Variants in LRRIQ4 observed in about 807,000 individuals in gnomAD.
The protein encoded by LRRIQ4 is leucine rich repeats and IQ motif containing 4.
A neutral mutation model predicts 40.1 loss-of-function variants in LRRIQ4; 21 were observed. The ratio of observed to expected loss-of-function variants is 0.52; its 90% CI spans 0.37 to 0.75. The LOEUF (loss-of-function observed/expected upper bound fraction) is 0.75. Ranked by LOEUF, LRRIQ4 falls within the 30% of genes least tolerant of loss-of-function variation. The pLI is 0.00. For missense variants in LRRIQ4, 655 were observed against 660.0 expected, an observed-to-expected ratio of 0.99 and a Z score of 0.08; for synonymous variants, 277 against 277.1, an observed-to-expected ratio of 1.00 and a Z score of 0.00.
rs189229233 is a variant in LRRIQ4, at chr3:169,832,500, C to T, written c.1334-487C>T. ...AAAAAAAAATAGCCAAGTGTGGTGGCGTGCACCTGAAATCCCAGCTACTTG... is the reference window on the plus strand; with the variant it reads ...AAAAAAAAATAGCCAAGTGTGGTGGTGTGCACCTGAAATCCCAGCTACTTG... On this transcript the variant is annotated intron_variant, in intron 4 of 5. Transcript: ENST00000340806. Among the ~76,000 whole-genome samples the T allele has an allele frequency of 1.7e-3, 249 of 150,516 alleles. 1 individual carries two copies. The highest frequency in any genetic ancestry group is 5.8e-3 in the African/African-American group (236 of 40,946).
rs1779706661 is a variant in LRRIQ4, at chr3:169,814,173, TA to T, written c.-32+1128del. ...GGCTTGGAGAATGAGTGCAAGGTTTTATTGATTGGTGGAAGTGGCTCTCAAC... is the reference window on the plus strand; with the variant it reads ...GGCTTGGAGAATGAGTGCAAGGTTTTTTGATTGGTGGAAGTGGCTCTCAAC... On this transcript the variant is annotated intron_variant, in intron 1 of 5. Transcript: ENST00000340806. 5.3e-5 allele frequency among the ~76,000 whole-genome samples: 8 copies of T among 152,208 alleles called. No individual in the cohort carries two copies. In the South Asian group the frequency reaches 1.0e-3, roughly 20 times the overall value.
Position 169,837,151 on chromosome 3 carries a change from C to T in LRRIQ4, c.1531-328C>T, listed in dbSNP as rs553479522. On this transcript the variant is annotated intron_variant, in intron 5 of 5. Coordinates refer to ENST00000340806, the MANE Select transcript of LRRIQ4 (RefSeq NM_001080460.3). ...GGTCACTCTCCATAGCACTCATCAC[C>T]GTCTGACAAATTGAACATTCATGTG... 3.5e-4 allele frequency among the ~76,000 whole-genome samples: 54 copies of T among 152,298 alleles called. No homozygotes were observed. In the South Asian group the frequency reaches 9.1e-3, roughly 26 times the overall value.
intron 2 of LRRIQ4, among the ~76,000 whole-genome samples, chr3:169,826,435 T>C (rs1263608899): frequency 1.3e-5 from 2 of 151,458 alleles, no homozygotes; most frequent in Admixed American, 6.6e-5. Flanking sequence ...ACCAAAACAA[T>C]GTACCAGATC....
intron 3 of LRRIQ4, among the ~76,000 whole-genome samples, chr3:169,829,721 G>A (rs1039460360): frequency 1.3e-5 from 2 of 152,166 alleles, no homozygotes; most frequent in East Asian, 1.9e-4. Context: ...GGCTGGTCTC[G>A]AACTCCTGAC....
intron 1 of LRRIQ4, among the ~76,000 whole-genome samples, chr3:169,818,434 A>C (rs1779808589): frequency 6.6e-6 from 1 of 152,138 alleles, no homozygotes; most frequent in African/African-American, 2.4e-5. Context: ...AGAGGGTTCT[A>C]TTCAGCCATC....
Position 169,837,687 on chromosome 3 carries a change from A to G in LRRIQ4, c.*56A>G. On this transcript the variant is annotated 3_prime_UTR_variant, in exon 6 of 6. Transcript: ENST00000340806. ...CCTTGATAGATTAAGAAGACAAAAT[A>G]TCTAGGAATTAGATGCCTACTACAT... 1 of 1,371,208 alleles carries G rather than the reference A, an allele frequency of 7.3e-7. No homozygotes were observed. Among genetic ancestry groups the G allele is most frequent in the Non-Finnish European group, 9.8e-7 (1 of 1,019,804 alleles). The allele number at this position is 1,371,208 out of a possible 1,614,324, so 84.9% of individuals were successfully genotyped here.
At chr3:169,824,451 G>A (rs1002606743) in intron 2 of LRRIQ4, among the ~76,000 whole-genome samples, 1 of 151,212 alleles carries the variant, frequency 6.6e-6, no homozygotes, top group Non-Finnish European at 1.5e-5. Context: ...GGCACGCGTG[G>A]GTTTATGTTT....
intron 3 of LRRIQ4, among the ~76,000 whole-genome samples, chr3:169,830,265 T>A (rs1780131484): frequency 6.6e-6 from 1 of 150,616 alleles, no homozygotes; most frequent in Non-Finnish European, 1.5e-5. Flanking sequence ...TTTCCCTGCA[T>A]AAATGGAAAC....
intron 1 of LRRIQ4, among the ~76,000 whole-genome samples, chr3:169,820,681 T>C (rs1246617452): frequency 6.6e-6 from 1 of 152,168 alleles, no homozygotes; most frequent in Non-Finnish European, 1.5e-5. Flanking sequence ...GGACATGATT[T>C]GTCCCTCCAT....
chr3:169,836,491 G>C (rs1175840055), intron 5 of LRRIQ4, among the ~76,000 whole-genome samples: 1 of 152,142 alleles, frequency 6.6e-6, no homozygotes, highest in Non-Finnish European at 1.5e-5. Context: ...GAAAGAGAGA[G>C]AGAGAGAGAG....
At chr3:169,828,324 CCACA>C (rs1780087233) in intron 2 of LRRIQ4, among the ~76,000 whole-genome samples, 2 of 152,098 alleles carry the variant, frequency 1.3e-5, no homozygotes, top group Admixed American at 1.3e-4. Context: ...CCTCTGCCTC[CCACA>C]TTCCAGAGAT....
At chr3:169,817,847 G>T (rs1779799058) in intron 1 of LRRIQ4, among the ~76,000 whole-genome samples, 1 of 151,856 alleles carries the variant, frequency 6.6e-6, no homozygotes, top group South Asian at 2.1e-4. Context: ...ATTTCTTGTG[G>T]GCCACAGATC....
In LRRIQ4 at chr3:169,822,300, C is replaced by G. The variant is rs550212701; in HGVS notation, c.379C>G (p.Gln127Glu). 6.2e-7 allele frequency: 1 copy of G among 1,613,904 alleles called. No homozygotes were observed. The highest frequency in any genetic ancestry group is 1.1e-5 in the South Asian group (1 of 91,040). Reference protein sequence around the residue: ...LHALRELRLYQTDLKEIPVVI... With the variant: ...LHALRELRLYETDLKEIPVVI... ...CGCCCTGCGCGAGCTCCGGCTCTAC[C>G]AGACCGACCTGAAGGAAATTCCCGT... The change falls in exon 2 of 6, where the codon CAG (glutamine) becomes GAG (glutamate). Residue 127 changes from glutamine (Q) to glutamate (E), a missense_variant. Coordinates refer to ENST00000340806, the MANE Select transcript of LRRIQ4 (RefSeq NM_001080460.3).
chr3:169,821,771 TC>T, intron 1 of LRRIQ4, 119 bp from the exon 2 acceptor site: 1 of 504,460 alleles, frequency 2.0e-6, no homozygotes, highest in Non-Finnish European at 3.3e-6. Flanking sequence ...AATTTTATGT[TC>T]TGTCATAATT....
Position 169,822,717 on chromosome 3 carries a change from G to C in LRRIQ4, c.796G>C (p.Gly266Arg), listed in dbSNP as rs1779938877. ...GAAGATGACGGAAATCGGGCTGAGC[G>C]GGAACCGCCTGGAGAAGGTGCCACG... is the stretch of plus-strand genomic sequence containing the variant. ...LRKMTEIGLS[G>R]NRLEKVPRLI... Residue 266 changes from glycine to arginine, a missense_variant, in exon 2 of 6, where the codon GGG becomes CGG. Gly to Arg is a moderately radical substitution (Grantham distance 125, BLOSUM62 -2). Transcript: ENST00000340806. 2 of 1,613,924 alleles carry C rather than the reference G, an allele frequency of 1.2e-6. No homozygotes were observed. Among genetic ancestry groups the C allele is most frequent in the Admixed American group, 1.7e-5 (1 of 60,020 alleles).
intron 4 of LRRIQ4, among the ~76,000 whole-genome samples, chr3:169,830,900 T>A (rs761394926): frequency 1.3e-5 from 2 of 152,170 alleles, no homozygotes; most frequent in Non-Finnish European, 2.9e-5. Context: ...ACCCATACAT[T>A]TATTACACTA....
intron 5 of LRRIQ4, among the ~76,000 whole-genome samples, chr3:169,834,173 C>A (rs1455865567): frequency 6.6e-6 from 1 of 152,080 alleles, no homozygotes; most frequent in African/African-American, 2.4e-5. Flanking sequence ...ATCAGCCTGA[C>A]CAACATGGTG....
In LRRIQ4 at chr3:169,817,555, G is replaced by T. The variant is rs555223853; in HGVS notation, c.-31-4336G>T. Among the ~76,000 whole-genome samples the T allele has an allele frequency of 1.4e-4, 21 of 152,270 alleles. No individual in the cohort carries two copies. The South Asian group carries it at 2.7e-3, about 20-fold the overall frequency. On this transcript the variant is annotated intron_variant, in intron 1 of 5. Transcript: ENST00000340806. ...GAAATCAACAGCCATTATTGTACTG[G>T]AGTCTATTTCTTTCTTTATCTCTAG...
intron 1 of LRRIQ4, among the ~76,000 whole-genome samples, chr3:169,816,671 C>T (rs1285159515): frequency 7.4e-6 from 1 of 134,398 alleles, no homozygotes; most frequent in African/African-American, 2.7e-5. Flanking sequence ...TTCTTTTCTT[C>T]TACTTTTTTT....
Sources: gnomAD v4.1 joint callset for allele counts (sites outside exome capture counted in the v4.1 genomes callset) on GRCh38, gnomAD v4.1.1 for gene constraint, MANE v1.5 for transcripts, NCBI Gene and HGNC (gene_info 2026-07-23, HGNC 2026-07-21) for gene names.